The following NAALADL2 variants were observed in gnomAD, a reference collection of about 807,000 sequenced individuals.
The protein encoded by NAALADL2 is inactive N-acetylated-alpha-linked acidic dipeptidase-like protein 2.
A neutral mutation model predicts 87.2 loss-of-function variants in NAALADL2; 76 were observed. The observed-to-expected ratio is 0.87, with a 90% confidence interval of 0.72 to 1.05. The LOEUF (loss-of-function observed/expected upper bound fraction) is 1.05. Ranked by LOEUF, NAALADL2 falls within the 50% of genes least tolerant of loss-of-function variation. The pLI is 0.00. For missense variants in NAALADL2, 1,089 were observed against 945.8 expected (o/e 1.15, Z -1.99); for synonymous variants, 354 against 331.0 (o/e 1.07, Z -0.75).
intron 1 of NAALADL2, among the ~76,000 whole-genome samples, chr3:174,923,170 G>T (rs1238181757): frequency 6.6e-6 from 1 of 152,056 alleles, no homozygotes; most frequent in East Asian, 1.9e-4. Context: ...GAAAAAGATG[G>T]GGGCTTATGG....
At chr3:175,182,367 C>G (rs1001418680) in intron 2 of NAALADL2, among the ~76,000 whole-genome samples, 1 of 151,538 alleles carries the variant, frequency 6.6e-6, no homozygotes, top group African/African-American at 2.4e-5. Context: ...TTAATTGTTT[C>G]TTTTTTGTGC....
chr3:175,661,971 A>G (rs1326300996), intron 11 of NAALADL2, among the ~76,000 whole-genome samples: 4 of 151,928 alleles, frequency 2.6e-5, no homozygotes, highest in African/African-American at 4.8e-5. Context: ...TGCTTTGGCT[A>G]TTTGGTGTCT....
At chr3:175,249,522 T>C (rs1402205134) in intron 3 of NAALADL2, among the ~76,000 whole-genome samples, 1 of 152,194 alleles carries the variant, frequency 6.6e-6, no homozygotes, top group Non-Finnish European at 1.5e-5. Flanking sequence ...TTATTTTTTA[T>C]TTGAATTACT....
chr3:174,652,127 G>A (rs757222274), intron 2 of NAALADL2, among the ~76,000 whole-genome samples: 11 of 152,144 alleles, frequency 7.2e-5, no homozygotes, highest in Non-Finnish European at 1.6e-4. Context: ...CCCAGAACAA[G>A]GCCTGCTTTA....
intron 4 of NAALADL2, among the ~76,000 whole-genome samples, chr3:175,277,072 A>T (rs898736891): frequency 1.3e-5 from 2 of 152,154 alleles, no homozygotes; most frequent in Non-Finnish European, 2.9e-5. Context: ...TGACGCCAAT[A>T]TATTTTAATA....
At chr3:174,615,738 T>C (rs1049152728) in intron 2 of NAALADL2, among the ~76,000 whole-genome samples, 1 of 152,050 alleles carries the variant, frequency 6.6e-6, no homozygotes, top group Non-Finnish European at 1.5e-5. Context: ...CTCTCTCCCA[T>C]TCTCCCTTCC....
chr3:175,084,429 TCTCAGGGCCTCTCCATATGGTCTCTCCAA>T (rs1718467576), intron 1 of NAALADL2, among the ~76,000 whole-genome samples: 1 of 152,158 alleles, frequency 6.6e-6, no homozygotes, highest in Non-Finnish European at 1.5e-5. Context: ...CTCCTCGTGG[TCTCAGGGCCTCTCCATATGGTCTCTCCAA>T]CAAAGTAGTT....
chr3:175,203,915 C>A (rs918273568), intron 2 of NAALADL2, among the ~76,000 whole-genome samples: 2 of 152,040 alleles, frequency 1.3e-5, no homozygotes, highest in African/African-American at 4.8e-5. Context: ...ATAGCCTGAA[C>A]AAATCAATAA....
At chr3:175,446,568 T>A (rs1720742854) in intron 5 of NAALADL2, among the ~76,000 whole-genome samples, 1 of 152,068 alleles carries the variant, frequency 6.6e-6, no homozygotes, top group Non-Finnish European at 1.5e-5. Flanking sequence ...AAGTGTGATG[T>A]TTCTCGCTGT....
At chr3:174,444,051 C>G (rs998469901) in intron 1 of NAALADL2, among the ~76,000 whole-genome samples, 5 of 151,916 alleles carry the variant, frequency 3.3e-5, no homozygotes, top group African/African-American at 1.2e-4. Flanking sequence ...GTTGTAGGAC[C>G]AGATGATGTA....
At chr3:174,836,186 A>G (rs1226013109) in intron 3 of NAALADL2, among the ~76,000 whole-genome samples, 2 of 152,232 alleles carry the variant, frequency 1.3e-5, no homozygotes, top group African/African-American at 2.4e-5. Flanking sequence ...ACATGCTGCA[A>G]CAGGGATGAA....
intron 2 of NAALADL2, among the ~76,000 whole-genome samples, chr3:174,705,415 A>G (rs1729958445): frequency 6.6e-6 from 1 of 152,222 alleles, no homozygotes; most frequent in African/African-American, 2.4e-5. Context: ...ATCTCAGTCC[A>G]TGCATATAAC....
intron 9 of NAALADL2, among the ~76,000 whole-genome samples, chr3:175,564,748 C>T (rs1432163011): frequency 6.6e-6 from 1 of 152,132 alleles, no homozygotes; most frequent in East Asian, 1.9e-4. Context: ...TGCTTTTATC[C>T]AGGTGTCTGG....
intron 13 of NAALADL2, among the ~76,000 whole-genome samples, chr3:175,787,168 T>G (rs1206207722): frequency 1.3e-5 from 2 of 152,180 alleles, no homozygotes; most frequent in African/African-American, 4.8e-5. Context: ...TCTTTTTGTT[T>G]GTCTGTGCCC....
chr3:175,718,872 A>C (rs1478861133), intron 11 of NAALADL2, among the ~76,000 whole-genome samples: 2 of 152,090 alleles, frequency 1.3e-5, no homozygotes, highest in African/African-American at 4.8e-5. Context: ...ACAAACAAAA[A>C]ACAAAAAACA....
At chr3:175,039,625 G>A (rs1176695240) in intron 1 of NAALADL2, among the ~76,000 whole-genome samples, 2 of 151,954 alleles carry the variant, frequency 1.3e-5, no homozygotes, top group Non-Finnish European at 2.9e-5. Context: ...CGTATTCTTT[G>A]TGCTGGAGTA....
chr3:175,799,957 CA>C (rs1028022072), intron 13 of NAALADL2, among the ~76,000 whole-genome samples: 3 of 152,114 alleles, frequency 2.0e-5, no homozygotes, highest in Non-Finnish European at 4.4e-5. Context: ...GAAGTAGAGA[CA>C]AAATTTTCCG....
intron 2 of NAALADL2, among the ~76,000 whole-genome samples, chr3:175,153,443 G>GCAGGATGCA (rs1235966808): frequency 6.6e-6 from 1 of 152,128 alleles, no homozygotes; most frequent in Non-Finnish European, 1.5e-5. Context: ...CCCTGTGCAT[G>GCAGGATGCA]GTCTTAAAGG....
chr3:175,752,558 A>C (rs1018413796), intron 12 of NAALADL2, among the ~76,000 whole-genome samples: 6 of 152,152 alleles, frequency 3.9e-5, no homozygotes, highest in African/African-American at 1.4e-4. Context: ...AAAATGATTG[A>C]GTAAACATTG....
Sources: gnomAD v4.1 joint callset for allele counts (sites outside exome capture counted in the v4.1 genomes callset) on GRCh38, gnomAD v4.1.1 for gene constraint, MANE v1.5 for transcripts, NCBI Gene and HGNC (gene_info 2026-07-23, HGNC 2026-07-21) for gene names.